FTO: variants seen among roughly 807,000 people sequenced by gnomAD.
The protein encoded by FTO is FTO alpha-ketoglutarate dependent dioxygenase, also known as alpha-ketoglutarate-dependent dioxygenase FTO.
In FTO, 47 loss-of-function variants were observed where a neutral mutation model predicts 63.9. The observed-to-expected ratio is 0.74, with a 90% CI of 0.58 to 0.94. The LOEUF is 0.94. FTO is among the 40% of genes least tolerant of loss of function. FTO has a pLI of 0.00. For synonymous variants in FTO, 207 were observed against 224.4 expected, an observed-to-expected ratio of 0.92 and a Z score of 0.69; for missense variants, 562 against 618.1, an observed-to-expected ratio of 0.91 and a Z score of 0.96.
intron 3 of FTO, among the ~76,000 whole-genome samples, chr16:53,837,580 G>A (rs933530214): frequency 2.6e-5 from 4 of 152,218 alleles, no homozygotes; most frequent in African/African-American, 9.6e-5. Context: ...CTCCGTGGCT[G>A]AGAAGGAGTA....
At chr16:53,992,133 G>A (rs1199837442) in intron 8 of FTO, 1 of 136,804 alleles carries the variant, frequency 7.3e-6, no homozygotes, top group East Asian at 2.0e-4. Context: ...CATGAGACCA[G>A]GCTGAACACT....
chr16:53,761,810 T>C (rs2077079058), intron 1 of FTO, among the ~76,000 whole-genome samples: 2 of 152,174 alleles, frequency 1.3e-5, no homozygotes, highest in Admixed American at 6.5e-5. Context: ...GCTCATTGAT[T>C]ACCTTACGGC....
intron 8 of FTO, among the ~76,000 whole-genome samples, chr16:54,088,390 A>G (rs1372204867): frequency 2.0e-5 from 3 of 152,232 alleles, no homozygotes; most frequent in South Asian, 2.1e-4. Flanking sequence ...TTTTCAGATT[A>G]TAAGCAATTC....
At chr16:53,873,642 A>T (rs922058262) in intron 4 of FTO, 144 bp from the exon 5 acceptor site, 1 of 641,398 alleles carries the variant, frequency 1.6e-6, no homozygotes, top group Admixed American at 2.2e-5. Context: ...TTGATTAAAG[A>T]ATACAAGGTA....
intron 6 of FTO, among the ~76,000 whole-genome samples, chr16:53,881,150 T>TAAATAAATAAATAAATAAAA (rs1427694945): frequency 2.0e-5 from 3 of 149,982 alleles, no homozygotes; most frequent in Admixed American, 1.3e-4. Context: ...AATAAATAAA[T>TAAATAAATAAATAAATAAAA]AAAAATAAAA....
chr16:54,038,570 G>A lies in FTO; in HGVS notation c.1365-73192G>A, dbSNP rs376270827. On this transcript the variant is annotated intron_variant, in intron 8 of 8. Coordinates refer to ENST00000471389, the MANE Select transcript of FTO (RefSeq NM_001080432.3). ...TTGAAATGTGACCCCCATTGTTGGA[G>A]GGAGGCCTAGTGGAGGCTGTTTGGG... Among the ~76,000 whole-genome samples, 271 of 152,292 alleles carry A rather than the reference G, an allele frequency of 1.8e-3. 9 individuals are homozygous for A. In the South Asian group the frequency reaches 0.055, roughly 31 times the overall value.
intron 8 of FTO, chr16:53,991,033 TAG>T (rs2083798634): frequency 6.6e-6 from 1 of 152,226 alleles, no homozygotes; most frequent in Non-Finnish European, 1.5e-5. Context: ...CATTTTTTTC[TAG>T]AGTCCTTTTC....
At chr16:53,915,848 G>A (rs2081851264) in intron 7 of FTO, among the ~76,000 whole-genome samples, 1 of 152,204 alleles carries the variant, frequency 6.6e-6, no homozygotes, top group Non-Finnish European at 1.5e-5. Context: ...CAACAAGGCA[G>A]GAGAGGCAAT....
intron 8 of FTO, among the ~76,000 whole-genome samples, chr16:53,968,445 G>A (rs181244458): frequency 2.6e-5 from 4 of 152,112 alleles, no homozygotes; most frequent in South Asian, 4.2e-4. Context: ...CACCATCATC[G>A]CCACCCTCCT....
chr16:54,107,298 G>A (rs1396544695), intron 8 of FTO, among the ~76,000 whole-genome samples: 1 of 152,072 alleles, frequency 6.6e-6, no homozygotes, highest in Non-Finnish European at 1.5e-5. Context: ...AGGATTGAAA[G>A]GGGAAACTGT....
chr16:53,756,354 G>A (rs2076923760), intron 1 of FTO, among the ~76,000 whole-genome samples: 1 of 152,160 alleles, frequency 6.6e-6, no homozygotes, highest in South Asian at 2.1e-4. Context: ...AGAGGCCCTA[G>A]GGATTCGATT....
intron 1 of FTO, among the ~76,000 whole-genome samples, chr16:53,772,661 C>T (rs1269224024): frequency 1.3e-5 from 2 of 152,058 alleles, no homozygotes; most frequent in Non-Finnish European, 2.9e-5. Context: ...ATTTCCTTGG[C>T]ACTGGTGTTG....
chr16:53,844,792 A>G (rs879003594), intron 4 of FTO, among the ~76,000 whole-genome samples: 3 of 152,196 alleles, frequency 2.0e-5, no homozygotes, highest in Admixed American at 6.5e-5. Context: ...ACATAGATGC[A>G]GAGTTCCTCA....
chr16:53,740,069 C>T (rs1480706205), intron 1 of FTO, among the ~76,000 whole-genome samples: 2 of 152,168 alleles, frequency 1.3e-5, no homozygotes, highest in Non-Finnish European at 2.9e-5. Flanking sequence ...AATTAGAAGG[C>T]TGTGTCTTCC....
chr16:53,867,753 A>G (rs1484587421), intron 4 of FTO, among the ~76,000 whole-genome samples: 1 of 151,716 alleles, frequency 6.6e-6, no homozygotes, highest in Non-Finnish European at 1.5e-5. Context: ...GTCCTTAATG[A>G]TTTTCTGCCT....
chr16:53,791,830 T>C (rs1020109319), intron 1 of FTO, among the ~76,000 whole-genome samples: 2 of 152,060 alleles, frequency 1.3e-5, no homozygotes, highest in African/African-American at 4.8e-5. Context: ...TCCCAGCACT[T>C]TGGGAGGCCG....
intron 1 of FTO, among the ~76,000 whole-genome samples, chr16:53,778,855 T>A (rs1216471243): frequency 9.3e-6 from 1 of 107,126 alleles, no homozygotes; most frequent in African/African-American, 3.8e-5. Context: ...AATGTGATTG[T>A]GGATTTTTTT....
intron 7 of FTO, chr16:53,911,319 A>G: frequency 1.4e-6 from 1 of 700,386 alleles, no homozygotes; most frequent in Non-Finnish European, 2.6e-6. Flanking sequence ...CAGAACAGTC[A>G]GTGGAACAGC....
intron 8 of FTO, among the ~76,000 whole-genome samples, chr16:54,019,783 G>A (rs2084544991): frequency 6.6e-6 from 1 of 152,158 alleles, no homozygotes; most frequent in Non-Finnish European, 1.5e-5. Flanking sequence ...GATGAAACAA[G>A]TCTCACTTTC....
Sources: allele counts gnomAD v4.1 joint callset (sites outside exome capture counted in the v4.1 genomes callset), GRCh38; gene constraint gnomAD v4.1.1; transcripts MANE v1.5; gene names NCBI Gene and HGNC (gene_info 2026-07-23, HGNC 2026-07-21).